The following HECW1 variants were observed in gnomAD, a reference collection of about 807,000 sequenced individuals.
HECW1 encodes HECT, C2 and WW domain containing E3 ubiquitin protein ligase 1.
In HECW1, 61 loss-of-function variants were observed where a neutral mutation model predicts 182.3. That is an observed-to-expected ratio of 0.33 (90% CI 0.27 to 0.41). HECW1 has a LOEUF of 0.41. HECW1 is among the 10% of genes least tolerant of loss of function. The pLI is 1.00. For missense variants in HECW1, 1,739 were observed against 2,108.9 expected (o/e 0.82, Z 3.44); for synonymous variants, 859 against 832.6 (o/e 1.03, Z -0.55).
chr7:43,220,934 G>A (rs1796886078), intron 2 of HECW1, among the ~76,000 whole-genome samples: 1 of 152,178 alleles, frequency 6.6e-6, no homozygotes, highest in South Asian at 2.1e-4. Context: ...ATGTGTGGCT[G>A]GTGTCACAGA....
At chr7:43,321,448 G>A (rs1486304846) in intron 5 of HECW1, among the ~76,000 whole-genome samples, 2 of 152,042 alleles carry the variant, frequency 1.3e-5, no homozygotes, top group East Asian at 1.9e-4. Flanking sequence ...GGTGGGCTTC[G>A]TGTGTAGGTA....
intron 2 of HECW1, chr7:43,118,696 T>G (rs763344787): frequency 2.0e-5 from 3 of 152,226 alleles, no homozygotes; most frequent in Non-Finnish European, 4.4e-5. Flanking sequence ...TAAATTATTT[T>G]TGTAGAAATG....
At chr7:43,265,991 C>T (rs1178784247) in intron 3 of HECW1, among the ~76,000 whole-genome samples, 1 of 152,130 alleles carries the variant, frequency 6.6e-6, no homozygotes, top group African/African-American at 2.4e-5. Context: ...CACCACCCTC[C>T]CAGCACCCAG....
chr7:43,385,984 CTTG>C (rs571593778), intron 6 of HECW1, among the ~76,000 whole-genome samples: 7 of 152,294 alleles, frequency 4.6e-5, no homozygotes, highest in Admixed American at 6.5e-5. Flanking sequence ...CAAGCTCATT[CTTG>C]TTGTTGGCAG....
At chr7:43,240,293 T>G (rs530222355) in intron 2 of HECW1, among the ~76,000 whole-genome samples, 45 of 152,118 alleles carry the variant, frequency 3.0e-4, no homozygotes, top group African/African-American at 1.0e-3. Context: ...AGCCGAGATC[T>G]GGCCACTACA....
chr7:43,274,213 C>A, intron 3 of HECW1: 1 of 556,718 alleles, frequency 1.8e-6, no homozygotes, highest in Non-Finnish European at 3.1e-6. Flanking sequence ...TCTTTGCCCA[C>A]CCCCAAATGC....
At chr7:43,389,925 C>T (rs2074954328) in intron 6 of HECW1, among the ~76,000 whole-genome samples, 1 of 152,132 alleles carries the variant, frequency 6.6e-6, no homozygotes, top group Admixed American at 6.6e-5. Context: ...GAGCCACCCA[C>T]CTGGCCCCCT....
At position 43,445,651 on chromosome 7, in the gene HECW1, G is replaced by A. The variant is rs933897431; in HGVS notation, c.2398+81G>A. The A allele has an allele frequency of 1.9e-5, 28 of 1,443,332 alleles. No individual in the cohort carries two copies. In the African/African-American group the frequency reaches 2.3e-4, roughly 12 times the overall value. The allele number at this position is 1,443,332 out of a possible 1,614,324, so 89.4% of individuals were successfully genotyped here. On this transcript the variant is annotated intron_variant, in intron 11 of 29. Transcript: ENST00000395891. The stretch of plus-strand genomic sequence containing the variant: ...TCACCAACAGTTTAAAAACAAGAAG[G>A]GCGGGGGATCGGTGTCAAACGGGGT...
At chr7:43,505,865 T>C (rs1297065886) in intron 21 of HECW1, among the ~76,000 whole-genome samples, 1 of 152,212 alleles carries the variant, frequency 6.6e-6, no homozygotes, top group Non-Finnish European at 1.5e-5. Context: ...ACTTGTATTA[T>C]ATACTCATTT....
intron 2 of HECW1, among the ~76,000 whole-genome samples, chr7:43,216,801 C>T (rs1796485403): frequency 6.6e-6 from 1 of 152,036 alleles, no homozygotes; most frequent in Non-Finnish European, 1.5e-5. Context: ...ATTACAGGCA[C>T]CCACCACCAT....
intron 3 of HECW1, among the ~76,000 whole-genome samples, chr7:43,293,006 T>G (rs1805588289): frequency 6.6e-6 from 1 of 151,850 alleles, no homozygotes; most frequent in Non-Finnish European, 1.5e-5. Flanking sequence ...GGGTGGATCA[T>G]GAGGTCAGGA....
chr7:43,462,285 C>A lies in HECW1; in HGVS notation c.2652-1375C>A, dbSNP rs1166694396. ...CTCCAGCCTAGGCTGTTGCAGGAGC[C>A]CCCAGCTGCTCTCCACAGCTCCCAG... On this transcript the variant is annotated intron_variant, in intron 13 of 29. Coordinates refer to ENST00000395891, the MANE Select transcript of HECW1 (RefSeq NM_015052.5). Among the ~76,000 whole-genome samples, 3 of 152,048 alleles carry A rather than the reference C, an allele frequency of 2.0e-5. No individual in the cohort carries two copies. The East Asian group carries it at 5.8e-4, about 29-fold the overall frequency.
intron 3 of HECW1, among the ~76,000 whole-genome samples, chr7:43,272,398 C>A (rs1484662964): frequency 2.6e-5 from 4 of 152,094 alleles, no homozygotes; most frequent in Admixed American, 6.5e-5. Flanking sequence ...AATAGACAAC[C>A]TACAGAATGG....
intron 3 of HECW1, among the ~76,000 whole-genome samples, chr7:43,260,251 A>G (rs533287872): frequency 1.4e-3 from 211 of 152,354 alleles, no homozygotes; most frequent in Middle Eastern, 3.4e-3. Context: ...AGGGATCAAG[A>G]CAGGCTTTCT....
intron 10 of HECW1, 39 bp downstream of exon 10, chr7:43,442,668 G>A: frequency 1.5e-6 from 2 of 1,322,622 alleles, no homozygotes; most frequent in Non-Finnish European, 2.2e-6. Context: ...TCCTAGGCTA[G>A]TGTCATAAGT....
At chr7:43,512,064 G>A (rs889112122) in intron 24 of HECW1, 18 of 218,584 alleles carry the variant, frequency 8.2e-5, no homozygotes, top group Non-Finnish European at 1.4e-4. Context: ...TGCTGATCTC[G>A]GGTCGGTGTC....
chr7:43,518,204 G>GA (rs1285376957), intron 24 of HECW1, among the ~76,000 whole-genome samples: 1 of 151,948 alleles, frequency 6.6e-6, no homozygotes, highest in African/African-American at 2.4e-5. Flanking sequence ...ATCTATAAAA[G>GA]AAAAGAAAGG....
intron 2 of HECW1, chr7:43,162,776 T>A (rs369406998): frequency 6.6e-6 from 1 of 152,236 alleles, no homozygotes; most frequent in East Asian, 1.9e-4. Context: ...CCCATACTAC[T>A]GTAATAATAA....
intron 28 of HECW1, 37 bp downstream of exon 28, chr7:43,552,373 A>G (rs764504529): frequency 8.2e-7 from 1 of 1,222,008 alleles, no homozygotes; most frequent in Admixed American, 1.7e-5. Context: ...CAATGATCAC[A>G]AATAGAACTC....
Sources: allele counts gnomAD v4.1 joint callset (sites outside exome capture counted in the v4.1 genomes callset), GRCh38; gene constraint gnomAD v4.1.1; transcripts MANE v1.5; gene names NCBI Gene and HGNC (gene_info 2026-07-23, HGNC 2026-07-21).